CFAP299: variants seen among roughly 807,000 people sequenced by gnomAD.
CFAP299 encodes cilia- and flagella-associated protein 299.
In CFAP299, 21 loss-of-function variants were observed where a neutral mutation model predicts 27.0. The ratio of observed to expected loss-of-function variants is 0.78; its 90% CI spans 0.55 to 1.12. The LOEUF (loss-of-function observed/expected upper bound fraction) is 1.12, where lower values mean the gene tolerates loss of function less well. Ranked by LOEUF, CFAP299 falls within the 50% of genes most tolerant of loss-of-function variation. The pLI is 0.00. For synonymous variants in CFAP299, 104 were observed against 98.1 expected (o/e 1.06, Z -0.36); for missense variants, 310 against 276.6 (o/e 1.12, Z -0.86).
At chr4:80,882,831 G>A (rs1024020202) in intron 4 of CFAP299, among the ~76,000 whole-genome samples, 2 of 152,034 alleles carry the variant, frequency 1.3e-5, no homozygotes, top group Non-Finnish European at 2.9e-5. Context: ...CTATCCTTCA[G>A]AAATGAAGGA....
At chr4:80,576,228 T>A (rs1735860650) in intron 2 of CFAP299, among the ~76,000 whole-genome samples, 1 of 149,216 alleles carries the variant, frequency 6.7e-6, no homozygotes, top group Admixed American at 6.7e-5. Context: ...AAAATCTCTT[T>A]CTTAGTTTCT....
intron 2 of CFAP299, among the ~76,000 whole-genome samples, chr4:80,395,974 G>A (rs921763365): frequency 2.6e-5 from 4 of 152,086 alleles, no homozygotes; most frequent in Non-Finnish European, 5.9e-5. Context: ...CACACACAAT[G>A]TCTTTCTCTC....
At chr4:80,482,955 A>T (rs567744647) in intron 2 of CFAP299, among the ~76,000 whole-genome samples, 1 of 152,320 alleles carries the variant, frequency 6.6e-6, no homozygotes, top group Non-Finnish European at 1.5e-5. Flanking sequence ...CTTCCCCAAG[A>T]TGTTCATATC....
intron 4 of CFAP299, among the ~76,000 whole-genome samples, chr4:80,890,266 C>T (rs1734196685): frequency 6.6e-6 from 1 of 152,004 alleles, no homozygotes; most frequent in Non-Finnish European, 1.5e-5. Context: ...AACCAATAAA[C>T]AAATTCAATA....
intron 3 of CFAP299, among the ~76,000 whole-genome samples, chr4:80,588,945 A>G (rs1444501903): frequency 6.6e-6 from 1 of 152,168 alleles, no homozygotes; most frequent in Non-Finnish European, 1.5e-5. Flanking sequence ...ATCCAGGTTT[A>G]TATAACTGGT....
chr4:80,928,538 C>A (rs1471387025), intron 4 of CFAP299, among the ~76,000 whole-genome samples: 1 of 152,036 alleles, frequency 6.6e-6, no homozygotes, highest in Non-Finnish European at 1.5e-5. Context: ...TAAAGAGCAT[C>A]TCAATATTCA....
chr4:80,673,185 G>T (rs1270449713), intron 3 of CFAP299, among the ~76,000 whole-genome samples: 2 of 152,054 alleles, frequency 1.3e-5, no homozygotes, highest in African/African-American at 2.4e-5. Flanking sequence ...TTTTAAATGT[G>T]TCCCAGAGAT....
At chr4:80,587,361 C>T (rs79982239) in intron 3 of CFAP299, among the ~76,000 whole-genome samples, 1 of 151,962 alleles carries the variant, frequency 6.6e-6, no homozygotes. Context: ...AAATTTGATA[C>T]AGAGGCAGTG....
chr4:80,731,174 C>T (rs1452156467), intron 3 of CFAP299, among the ~76,000 whole-genome samples: 6 of 152,102 alleles, frequency 3.9e-5, no homozygotes, highest in African/African-American at 1.4e-4. Context: ...CAGTGGGTGC[C>T]TATTTTATTT....
chr4:80,609,173 A>G (rs998047544), intron 3 of CFAP299, among the ~76,000 whole-genome samples: 2 of 152,024 alleles, frequency 1.3e-5, no homozygotes, highest in African/African-American at 4.8e-5. Context: ...GAAATGTAAA[A>G]TGCTTTAAAA....
At chr4:80,740,482 C>G (rs540028278) in intron 3 of CFAP299, among the ~76,000 whole-genome samples, 3 of 152,298 alleles carry the variant, frequency 2.0e-5, no homozygotes, top group African/African-American at 4.8e-5. Context: ...CATAATCTCT[C>G]TGTGTGTGCT....
chr4:80,379,345 C>A (rs928837994), intron 2 of CFAP299, among the ~76,000 whole-genome samples: 3 of 151,696 alleles, frequency 2.0e-5, no homozygotes, highest in African/African-American at 7.3e-5. Flanking sequence ...TTTGAAGAAC[C>A]AGCTTTTTAA....
At chr4:80,799,572 TA>T (rs1284578633) in intron 3 of CFAP299, among the ~76,000 whole-genome samples, 8 of 74,570 alleles carry the variant, frequency 1.1e-4, no homozygotes, top group South Asian at 9.6e-4. Context: ...TAAATATATA[TA>T]TTTATAAAAT....
At chr4:80,841,836 G>A (rs1181323699) in intron 3 of CFAP299, among the ~76,000 whole-genome samples, 1 of 151,994 alleles carries the variant, frequency 6.6e-6, no homozygotes, top group African/African-American at 2.4e-5. Flanking sequence ...TAGATTGAGA[G>A]GCCTTCTTAC....
At chr4:80,891,848 A>AG (rs1432332983) in intron 4 of CFAP299, among the ~76,000 whole-genome samples, 5 of 143,138 alleles carry the variant, frequency 3.5e-5, no homozygotes, top group Non-Finnish European at 7.6e-5. Flanking sequence ...AAAAAAAAAA[A>AG]AGAAATTGCA....
chr4:80,701,105 C>T (rs994087336), intron 3 of CFAP299, among the ~76,000 whole-genome samples: 11 of 151,934 alleles, frequency 7.2e-5, no homozygotes, highest in African/African-American at 2.7e-4. Flanking sequence ...GCTATTTTGC[C>T]TTCCATACTT....
intron 3 of CFAP299, among the ~76,000 whole-genome samples, chr4:80,693,557 GA>G (rs1720886830): frequency 8.9e-6 from 1 of 112,986 alleles, no homozygotes; most frequent in African/African-American, 3.4e-5. Context: ...TGGGGTGGGG[GA>G]GGGGGGAGGG....
chr4:80,561,504 A>G (rs1259383307), intron 2 of CFAP299, among the ~76,000 whole-genome samples: 1 of 152,116 alleles, frequency 6.6e-6, no homozygotes, highest in African/African-American at 2.4e-5. Flanking sequence ...AAAATGTGTG[A>G]CCTTTCAGAC....
intron 2 of CFAP299, among the ~76,000 whole-genome samples, chr4:80,519,745 G>A (rs1385687072): frequency 1.3e-5 from 2 of 152,112 alleles, no homozygotes; most frequent in African/African-American, 4.8e-5. Context: ...GGCATTCAAG[G>A]CTAAAGAATG....
Sources: gnomAD v4.1 joint callset for allele counts (sites outside exome capture counted in the v4.1 genomes callset) on GRCh38, gnomAD v4.1.1 for gene constraint, MANE v1.5 for transcripts, NCBI Gene and HGNC (gene_info 2026-07-23, HGNC 2026-07-21) for gene names.